The following NT5C2 variants were observed in gnomAD, a reference collection of about 807,000 sequenced individuals.
NT5C2 encodes the protein 5'-nucleotidase, cytosolic II, also known as cytosolic purine 5'-nucleotidase.
NT5C2 carries 58 observed loss-of-function variants against 76.1 expected under a neutral mutation model. That is an observed-to-expected ratio of 0.76 (90% CI 0.62 to 0.95). NT5C2 has a LOEUF of 0.95. Ranked by LOEUF, NT5C2 falls within the 40% of genes least tolerant of loss-of-function variation. The pLI, the probability that NT5C2 is intolerant of heterozygous loss-of-function variation, is 0.00. For missense variants in NT5C2, 478 were observed against 690.3 expected (o/e 0.69, Z 3.45); for synonymous variants, 229 against 237.4 (o/e 0.96, Z 0.32).
intron 3 of NT5C2, among the ~76,000 whole-genome samples, chr10:103,168,852 T>C (rs565646748): frequency 1.3e-5 from 2 of 152,242 alleles, no homozygotes; most frequent in Non-Finnish European, 2.9e-5. Context: ...AAGCATCACA[T>C]ACGATGTATA....
chr10:103,096,341 T>A (rs1776157930), intron 11 of NT5C2, among the ~76,000 whole-genome samples: 1 of 152,136 alleles, frequency 6.6e-6, no homozygotes, highest in Non-Finnish European at 1.5e-5. Flanking sequence ...CTAGACCAAC[T>A]AAGTCAACAA....
chr10:103,116,693 G>A (rs2074432632), intron 4 of NT5C2, among the ~76,000 whole-genome samples: 1 of 146,596 alleles, frequency 6.8e-6, no homozygotes. Flanking sequence ...CTCAGCCTCA[G>A]CCTCCCCAGT....
At chr10:103,168,631 C>T (rs192135717) in intron 3 of NT5C2, among the ~76,000 whole-genome samples, 121 of 152,260 alleles carry the variant, frequency 7.9e-4, no homozygotes, top group African/African-American at 2.6e-3. Flanking sequence ...GGCCTGATGA[C>T]TTATCCTCAG....
intron 2 of NT5C2, among the ~76,000 whole-genome samples, chr10:103,176,831 T>A (rs1325549478): frequency 1.3e-5 from 2 of 152,186 alleles, no homozygotes; most frequent in Non-Finnish European, 2.9e-5. Flanking sequence ...ATAAATATCT[T>A]ACTCATGTGG....
chr10:103,095,934 G>T lies in NT5C2; in HGVS notation c.813+5C>A. 6.2e-7 allele frequency: 1 copy of T among 1,610,866 alleles called. No individual in the cohort carries two copies. Among genetic ancestry groups the T allele is most frequent in the Non-Finnish European group, 8.5e-7 (1 of 1,177,388 alleles). ...AGCAGTGGTCTATTGAGTCACATAC[G>T]GTACCTTGGGGCCATGTGGGAAGTC... On this transcript the variant is annotated splice_donor_5th_base_variant and intron_variant, in intron 12 of 18. Transcript: ENST00000404739.
chr10:103,136,438 T>C (rs981637721), intron 4 of NT5C2, among the ~76,000 whole-genome samples: 5 of 152,284 alleles, frequency 3.3e-5, no homozygotes, highest in Middle Eastern at 3.4e-3. Context: ...ATCTATGTAA[T>C]AAAGCACTTG....
At chr10:103,175,048 T>A in intron 2 of NT5C2, 66 bp from the exon 3 acceptor site, 1 of 915,126 alleles carries the variant, frequency 1.1e-6, no homozygotes, top group Non-Finnish European at 1.7e-6. Flanking sequence ...TCTGATTTTT[T>A]TAAAAATCAG....
At chr10:103,113,057 CAT>C (rs2073447084) in intron 4 of NT5C2, among the ~76,000 whole-genome samples, 1 of 152,158 alleles carries the variant, frequency 6.6e-6, no homozygotes, top group African/African-American at 2.4e-5. Context: ...AAGATATTTT[CAT>C]ATCTTTCTAA....
At chr10:103,117,617 A>C (rs1427003748) in intron 4 of NT5C2, among the ~76,000 whole-genome samples, 1 of 152,238 alleles carries the variant, frequency 6.6e-6, no homozygotes, top group African/African-American at 2.4e-5. Flanking sequence ...ACTGTGCTGC[A>C]GCCTGGGTGA....
At chr10:103,186,710 C>T (rs921243580) in intron 1 of NT5C2, among the ~76,000 whole-genome samples, 1 of 151,176 alleles carries the variant, frequency 6.6e-6, no homozygotes, top group South Asian at 2.1e-4. Flanking sequence ...GTACAGAGAT[C>T]GAGACCATCC....
In NT5C2 at chr10:103,164,035, T is replaced by C. The variant is rs180812719; in HGVS notation, c.101+10823A>G. 9.9e-4 allele frequency among the ~76,000 whole-genome samples: 150 copies of C among 152,104 alleles called. 1 individual carries two copies. Among genetic ancestry groups the C allele is most frequent in the Non-Finnish European group, 2.0e-3 (134 of 67,986 alleles). ...AGGAGAACTGTTTGAAGCCCGGGGTTTGAGACCAGCCTGGACATCAAAGTG... is the reference window on the plus strand; with the variant it reads ...AGGAGAACTGTTTGAAGCCCGGGGTCTGAGACCAGCCTGGACATCAAAGTG... On this transcript the variant is annotated intron_variant, in intron 3 of 18. Coordinates refer to ENST00000404739, the MANE Select transcript of NT5C2 (RefSeq NM_001351169.2).
At chr10:103,124,138 TCTTA>T (rs944260133) in intron 4 of NT5C2, among the ~76,000 whole-genome samples, 8 of 152,318 alleles carry the variant, frequency 5.3e-5, no homozygotes, top group Middle Eastern at 3.4e-3. Context: ...TTTCTTCCTT[TCTTA>T]TTGTTTCAAA....
At chr10:103,157,920 A>G (rs1225075199) in intron 3 of NT5C2, among the ~76,000 whole-genome samples, 1 of 152,066 alleles carries the variant, frequency 6.6e-6, no homozygotes, top group African/African-American at 2.4e-5. Flanking sequence ...TAAAAATACA[A>G]TAATTAGCTG....
At chr10:103,156,398 T>C (rs1259549641) in intron 3 of NT5C2, among the ~76,000 whole-genome samples, 1 of 152,122 alleles carries the variant, frequency 6.6e-6, no homozygotes, top group Non-Finnish European at 1.5e-5. Context: ...GGATCTATGG[T>C]GGTAATATTT....
chr10:103,186,066 G>A (rs77420391), intron 1 of NT5C2, among the ~76,000 whole-genome samples: 14,170 of 152,122 alleles, frequency 0.093, 854 homozygotes, highest in East Asian at 0.25. Context: ...CTCATTTTAC[G>A]AAGAAGTAAA....
In NT5C2 at chr10:103,091,620, T is replaced by A; in HGVS notation, c.1160-5A>T. 1.2e-6 allele frequency: 2 copies of A among 1,612,056 alleles called. No homozygotes were observed. Among genetic ancestry groups the A allele is most frequent in the Non-Finnish European group, 1.7e-6 (2 of 1,178,224 alleles). On this transcript the variant is annotated splice_polypyrimidine_tract_variant and splice_region_variant and intron_variant, in intron 15 of 18. Transcript: ENST00000404739. ...TCTGAAGTTCTTCGAAAAGTGCTAG[T>A]TAAGGTTTGGAAGGAAAAGGAAGAC...
intron 10 of NT5C2, chr10:103,098,016 A>G (rs1173992702): frequency 1.9e-6 from 1 of 528,104 alleles, no homozygotes; most frequent in Non-Finnish European, 3.9e-6. Flanking sequence ...TGAAAATAGG[A>G]AGCACAAAAA....
chr10:103,101,639 C>T lies in NT5C2; in HGVS notation c.390-313G>A, dbSNP rs187278792. On this transcript the variant is annotated intron_variant, in intron 6 of 18. Coordinates refer to ENST00000404739, the MANE Select transcript of NT5C2 (RefSeq NM_001351169.2). ...TAGCTGGGATTACAGGTGTGATGTC[C>T]AGCTTAGGTTCCAGCTCTTAAAAGA... Among the ~76,000 whole-genome samples, 701 of 151,878 alleles carry T rather than the reference C, an allele frequency of 4.6e-3. 1 individual carries two copies. Among genetic ancestry groups the T allele is most frequent in the Middle Eastern group, 6.8e-3 (2 of 294 alleles).
In NT5C2 at chr10:103,116,833, C is replaced by T. The variant is rs149342742; in HGVS notation, c.176-10127G>A. Among the ~76,000 whole-genome samples, 192 of 151,964 alleles carry T rather than the reference C, an allele frequency of 1.3e-3. 1 individual carries two copies. The highest frequency in any genetic ancestry group is 4.5e-3 in the African/African-American group (185 of 41,412). On this transcript the variant is annotated intron_variant, in intron 4 of 18. Coordinates refer to ENST00000404739, the MANE Select transcript of NT5C2 (RefSeq NM_001351169.2). ...TAAGTGATCCTCTCGCCTTGGCTGC[C>T]CAAAGCACTGCAATTACAGTCATGA...
Sources: gnomAD v4.1 joint callset for allele counts (sites outside exome capture counted in the v4.1 genomes callset) on GRCh38, gnomAD v4.1.1 for gene constraint, MANE v1.5 for transcripts, NCBI Gene and HGNC (gene_info 2026-07-23, HGNC 2026-07-21) for gene names.